Variants in TMEM161A observed in about 807,000 individuals in gnomAD.
The protein encoded by TMEM161A is transmembrane protein 161A, also known as adaptive response to oxidative stress protein 29.
TMEM161A carries 46 observed loss-of-function variants against 57.1 expected under a neutral mutation model. The ratio of observed to expected loss-of-function variants is 0.81; its 90% CI spans 0.64 to 1.03. The LOEUF is 1.03. Among genes scored for constraint, TMEM161A ranks in the 50% least tolerant of loss-of-function variants. The pLI is 0.00. For synonymous variants in TMEM161A, 288 were observed against 279.0 expected (o/e 1.03, Z -0.32); for missense variants, 601 against 621.5 (o/e 0.97, Z 0.35).
At chr19:19,134,690 A>G (rs2059976304) in intron 2 of TMEM161A, 94 bp downstream of exon 2, 1 of 928,110 alleles carries the variant, frequency 1.1e-6, no homozygotes, top group East Asian at 2.7e-5. Context: ...CCCACCAACC[A>G]AAATCAAGGC....
chr19:19,121,626 C>T lies in TMEM161A; in HGVS notation c.699G>A (p.Val233=). The stretch of plus-strand genomic sequence containing the variant: ...GGAAGGCACCCAGCACAGAGCCCAC[C>T]ACTGCCAGTCCCACGCGGATAGCCA... ...AKLAIRVGLA[V]VGSVLGAFLT... is the part of the protein sequence containing the mutation. Residue 233 remains valine (V), a synonymous_variant, in exon 8 of 12, where the codon GTG becomes GTA. Transcript: ENST00000162044. This position sits in a 1 kb window ranked among gnomAD's most constrained non-coding sequence, Gnocchi z 5.8. 1.2e-6 allele frequency: 2 copies of T among 1,614,022 alleles called. No individual in the cohort carries two copies. The highest frequency in any genetic ancestry group is 1.7e-6 in the Non-Finnish European group (2 of 1,179,964).
chr19:19,121,298 C>A lies in TMEM161A; in HGVS notation c.914+10G>T. 6.4e-7 allele frequency: 1 copy of A among 1,557,338 alleles called. No individual in the cohort carries two copies. On this transcript the variant is annotated intron_variant, in intron 9 of 11. Coordinates refer to ENST00000162044, the MANE Select transcript of TMEM161A (RefSeq NM_017814.3). This position sits in a 1 kb window ranked among gnomAD's most constrained non-coding sequence, Gnocchi z 5.8. ...GCCCCAGCTACCTCCTAGCCCCACC[C>A]AATACGCACAGGGAGAAACGCGTCT...
rs775614958 is a variant in TMEM161A at position 19,132,386 on chromosome 19, C to T, written c.409G>A (p.Val137Met). The change falls in exon 5 of 12, where the codon GTG becomes ATG. Residue 137 changes from valine (V) to methionine (M), a missense_variant. Val to Met is a conservative substitution (Grantham distance 21). Transcript: ENST00000162044. The surrounding 1 kb of genome is among the most constrained non-coding windows in gnomAD (Gnocchi z 4.3). ...LGPAKETNIA[V>M]FWCLLTVTFS... ...GTCACCGTGAGCAGGCACCAGAACACAGCAATGTTAGTCTCCTTGGCTGGT... is the reference window on the plus strand; with the variant it reads ...GTCACCGTGAGCAGGCACCAGAACATAGCAATGTTAGTCTCCTTGGCTGGT... 6.2e-7 allele frequency: 1 copy of T among 1,614,052 alleles called. No homozygotes were observed. Among genetic ancestry groups the T allele is most frequent in the Non-Finnish European group, 8.5e-7 (1 of 1,179,956 alleles).
intron 10 of TMEM161A, 25 bp downstream of exon 10, chr19:19,120,967 G>A: frequency 6.2e-7 from 1 of 1,607,878 alleles, no homozygotes; most frequent in Non-Finnish European, 8.5e-7. Context: ...GTTCCCTCTG[G>A]CCTAGGTCAT....
chr19:19,119,562 G>A lies in TMEM161A; in HGVS notation c.*368C>T, dbSNP rs920708465. The A allele has an allele frequency of 2.0e-5, 5 of 251,072 alleles. No individual in the cohort carries two copies. The highest frequency in any genetic ancestry group is 1.4e-4 in the Admixed American group (3 of 22,108). 15.6% of individuals were successfully genotyped at this position (251,072 alleles called of 1,614,324 possible). On this transcript the variant is annotated 3_prime_UTR_variant, in exon 12 of 12. Transcript: ENST00000162044. ...GCACCCGGGCAGGTGCCACAGGGAC[G>A]TGCAAGACAGCTACCACCCTGCACA...
At chr19:19,130,051 C>T (rs1313871341) in intron 6 of TMEM161A, 105 bp downstream of exon 6, 1 of 1,369,500 alleles carries the variant, frequency 7.3e-7, no homozygotes, top group African/African-American at 1.4e-5. Context: ...CAGGAGCCCA[C>T]TCCTTTGCCT....
Position 19,136,246 on chromosome 19 carries a change from GTTTA to G in TMEM161A, c.4-1363_4-1360del, listed in dbSNP as rs551520980. Among the ~76,000 whole-genome samples, 284 of 152,148 alleles carry G rather than the reference GTTTA, an allele frequency of 1.9e-3. 1 individual carries two copies. Among genetic ancestry groups the G allele is most frequent in the Non-Finnish European group, 2.9e-3 (199 of 68,010 alleles). ...GGAATTATCATCAAAATGAAATAAA[GTTTA>G]TTTAATAGTAAAATTAATTATGAAA... On this transcript the variant is annotated intron_variant, in intron 1 of 11. Transcript: ENST00000162044.
intron 11 of TMEM161A, 98 bp downstream of exon 11, chr19:19,120,667 C>CCG: frequency 1.7e-6 from 2 of 1,144,392 alleles, no homozygotes; most frequent in Non-Finnish European, 2.6e-6. Context: ...CTAGGCCCCG[C>CCG]CTCTCCCCCC....
In TMEM161A at chr19:19,121,932, A is replaced by G. The variant is rs978726525; in HGVS notation, c.596-113T>C. ...TCCGTTTGCTTCCCAAGTAGGAATG[A>G]ACAAGGGTCTGCCAGGCCCTGAGCC... On this transcript the variant is annotated intron_variant, in intron 6 of 11. Transcript: ENST00000162044. The surrounding 1 kb of genome is among the most constrained non-coding windows in gnomAD (Gnocchi z 5.8). 4 of 1,228,568 alleles carry G rather than the reference A, an allele frequency of 3.3e-6. No homozygotes were observed. The African/African-American group carries it at 6.0e-5, about 18-fold the overall frequency. 76.1% of individuals were successfully genotyped at this position (1,228,568 alleles called of 1,614,324 possible).
chr19:19,126,002 G>A (rs1287015738), intron 6 of TMEM161A, among the ~76,000 whole-genome samples: 4 of 150,942 alleles, frequency 2.7e-5, no homozygotes, highest in Non-Finnish European at 5.9e-5. Context: ...ACGGTGGCTC[G>A]CGCCTGTAAT....
chr19:19,126,097 C>A (rs1480168299), intron 6 of TMEM161A, among the ~76,000 whole-genome samples: 3 of 151,234 alleles, frequency 2.0e-5, no homozygotes, highest in Non-Finnish European at 2.9e-5. Context: ...GAAACCCCAT[C>A]TCTAGTAAAA....
At position 19,130,293 on chromosome 19, in the gene TMEM161A, G is replaced by A. The variant is rs146682357; in HGVS notation, c.458C>T (p.Thr153Ile). The A allele has an allele frequency of 1.9e-5, 30 of 1,613,224 alleles. No individual in the cohort carries two copies. The highest frequency in any genetic ancestry group is 2.4e-5 in the Non-Finnish European group (28 of 1,180,032). The change falls in exon 6 of 12, where the codon ACA becomes ATA. Residue 153 changes from threonine (T) to isoleucine (I), a missense_variant. Physicochemically the swap from Thr to Ile is moderately conservative, Grantham distance 89. Transcript: ENST00000162044. Reference sequence around the variant, plus strand: ...GGCGCTGAAGTACAGCCGTGTCACTGTCAGGAACATCTTGCTGGAGGCTGG... The same window carrying A: ...GGCGCTGAAGTACAGCCGTGTCACTATCAGGAACATCTTGCTGGAGGCTGG... The part of the protein sequence containing the change: ...TVTFSIKMFL[T>I]VTRLYFSAEE...
intron 6 of TMEM161A, 103 bp downstream of exon 6, chr19:19,130,053 C>T (rs931500866): frequency 3.6e-6 from 5 of 1,388,106 alleles, no homozygotes; most frequent in Non-Finnish European, 4.9e-6. Flanking sequence ...GGAGCCCACT[C>T]CTTTGCCTAC....
Position 19,132,924 on chromosome 19 carries a change from C to T in TMEM161A, c.189-170G>A. ...CACCCACCCACAGGACTGGCTAGAG[C>T]AAACTGCCAGGAAACAGATGCTAAC... On this transcript the variant is annotated intron_variant, in intron 3 of 11. Transcript: ENST00000162044. This position sits in a 1 kb window ranked among gnomAD's most constrained non-coding sequence, Gnocchi z 4.3. 1 of 725,946 alleles carries T rather than the reference C, an allele frequency of 1.4e-6. No individual in the cohort carries two copies. Among genetic ancestry groups the T allele is most frequent in the Non-Finnish European group, 2.2e-6 (1 of 447,442 alleles). The allele number at this position is 725,946 out of a possible 1,614,324, so 45.0% of individuals were successfully genotyped here.
chr19:19,121,427 G>C lies in TMEM161A; in HGVS notation c.801-6C>G, dbSNP rs1168734495. 1.2e-6 allele frequency: 2 copies of C among 1,613,896 alleles called. No homozygotes were observed. Among genetic ancestry groups the C allele is most frequent in the Non-Finnish European group, 1.7e-6 (2 of 1,179,820 alleles). On this transcript the variant is annotated splice_polypyrimidine_tract_variant and splice_region_variant and intron_variant, in intron 8 of 11. Transcript: ENST00000162044. This position sits in a 1 kb window ranked among gnomAD's most constrained non-coding sequence, Gnocchi z 5.8. ...AGCTGGTGTGCAGGAGGAACCTGGG[G>C]GGTGAGGGCAGGAGGGAGTGAGGCC... is the stretch of plus-strand genomic sequence containing the variant.
chr19:19,126,747 G>C (rs1032178091), intron 6 of TMEM161A, among the ~76,000 whole-genome samples: 1 of 152,192 alleles, frequency 6.6e-6, no homozygotes, highest in African/African-American at 2.4e-5. Flanking sequence ...GCGCACACCT[G>C]TAATCCCAGC....
chr19:19,119,720 C>T lies in TMEM161A; in HGVS notation c.*210G>A, dbSNP rs79942269. 2,223 of 616,906 alleles carry T rather than the reference C, an allele frequency of 3.6e-3. 57 individuals are homozygous for T. In the East Asian group the frequency reaches 0.05, roughly 14 times the overall value. 38.2% of individuals were successfully genotyped at this position (616,906 alleles called of 1,614,324 possible). ...CGCTTCGGAGACAATGGCCTCGGGA[C>T]CCTCATGCTGCTGGGCCCAGGAGAG... is the stretch of plus-strand genomic sequence containing the variant. On this transcript the variant is annotated 3_prime_UTR_variant, in exon 12 of 12. Transcript: ENST00000162044.
At chr19:19,128,348 C>T (rs2059941513) in intron 6 of TMEM161A, among the ~76,000 whole-genome samples, 1 of 151,484 alleles carries the variant, frequency 6.6e-6, no homozygotes, top group Non-Finnish European at 1.5e-5. Flanking sequence ...TCTCCTGCCT[C>T]AGCCTCCCAA....
chr19:19,129,360 G>A (rs924122247), intron 6 of TMEM161A, among the ~76,000 whole-genome samples: 1 of 152,130 alleles, frequency 6.6e-6, no homozygotes, highest in African/African-American at 2.4e-5. Flanking sequence ...AGGGTCATGT[G>A]GGCCATGGTG....
Sources: allele counts gnomAD v4.1 joint callset (sites outside exome capture counted in the v4.1 genomes callset), GRCh38; gene constraint gnomAD v4.1.1; non-coding constraint Gnocchi (gnomAD v3.1); transcripts MANE v1.5; gene names NCBI Gene and HGNC (gene_info 2026-07-23, HGNC 2026-07-21).